Variants in SRP19 observed in about 807,000 individuals in gnomAD.
SRP19 encodes the protein signal recognition particle 19.
Under a neutral mutation model 22.4 loss-of-function variants are expected in SRP19, and 11 were observed. That is an observed-to-expected ratio of 0.49 (90% CI 0.31 to 0.81). The LOEUF is 0.81. SRP19 is among the 40% of genes least tolerant of loss of function. The pLI is 0.05. For missense variants in SRP19, 168 were observed against 175.9 expected (o/e 0.96, Z 0.25); for synonymous variants, 61 against 57.6 (o/e 1.06, Z -0.27).
chr5:112,864,834 C>T (rs1554091334), intron 4 of SRP19, 102 bp downstream of exon 4: 2 of 866,982 alleles, frequency 2.3e-6, no homozygotes, highest in Non-Finnish European at 3.6e-6. Context: ...AATTTGCATT[C>T]TGAAGATTAA....
intron 4 of SRP19, chr5:112,878,906 T>C: frequency 6.2e-7 from 1 of 1,610,354 alleles, no homozygotes; most frequent in African/African-American, 1.3e-5. Context: ...TTGCAAGCTT[T>C]GTGCCTAATG....
rs1767695556 is a variant in SRP19 at position 112,869,024 on chromosome 5, C to T, written c.*1487C>T. 6.6e-6 allele frequency: 1 copy of T among 152,086 alleles called. No individual in the cohort carries two copies. Among genetic ancestry groups the T allele is most frequent in the African/African-American group, 2.4e-5 (1 of 41,396 alleles). The allele number at this position is 152,086 out of a possible 1,614,324, so 9.4% of individuals were successfully genotyped here. On this transcript the variant is annotated 3_prime_UTR_variant, in exon 5 of 5. Transcript: ENST00000505459. ...TGTGTAAAACATAATTCAGAGCAGC[C>T]TTCTTTGAGAAAGTGGGTGTGTTTG... is the stretch of plus-strand genomic sequence containing the variant.
At chr5:112,861,508 A>G (rs1047425560) in intron 1 of SRP19, 91 bp downstream of exon 1, 7 of 1,406,848 alleles carry the variant, frequency 5.0e-6, no homozygotes, top group African/African-American at 4.3e-5. Context: ...CGCGGCCTCC[A>G]GAATGGCCTA....
At position 112,869,654 on chromosome 5, in the gene SRP19, G is replaced by A. The variant is rs1031107182; in HGVS notation, c.*2117G>A. 1 of 152,210 alleles carries A rather than the reference G, an allele frequency of 6.6e-6. No homozygotes were observed. The highest frequency in any genetic ancestry group is 1.5e-5 in the Non-Finnish European group (1 of 68,062). The allele number at this position is 152,210 out of a possible 1,614,324, so 9.4% of individuals were successfully genotyped here. ...CCCCAAATCCCTATGTGTTAAGGGT[G>A]GGACCAGGTGGAGATAATTGGATCA... On this transcript the variant is annotated 3_prime_UTR_variant, in exon 5 of 5. Transcript: ENST00000505459.
At chr5:112,880,463 G>A (rs965623021) in intron 4 of SRP19, among the ~76,000 whole-genome samples, 3 of 141,964 alleles carry the variant, frequency 2.1e-5, no homozygotes, top group African/African-American at 8.6e-5. Flanking sequence ...GAGAGCCAAG[G>A]AGTCCCTTCT....
At chr5:112,875,353 C>A (rs186243999) in intron 4 of SRP19, among the ~76,000 whole-genome samples, 1 of 144,800 alleles carries the variant, frequency 6.9e-6, no homozygotes, top group African/African-American at 2.5e-5. Context: ...TTCAGAAGTA[C>A]GTTTTGTTTT....
At chr5:112,867,350 CTT>C (rs1267999483) in intron 4 of SRP19, 52 bp from the exon 5 acceptor site, 1 of 1,570,296 alleles carries the variant, frequency 6.4e-7, no homozygotes, top group African/African-American at 1.4e-5. Flanking sequence ...AATTTGATGA[CTT>C]TTTATGTCTT....
In SRP19 at chr5:112,862,533, T is replaced by G. The variant is rs1468331437; in HGVS notation, c.67T>G (p.Leu23Val). The change falls in exon 2 of 5, where the codon TTA becomes GTA. Residue 23 changes from leucine to valine, a missense_variant. Coordinates refer to ENST00000505459, the MANE Select transcript of SRP19 (RefSeq NM_003135.3). ...GTTTATTTGTATCTATCCTGCTTAT[T>G]TAAATAATAAGAAGACCATCGCAGA... is the stretch of plus-strand genomic sequence containing the variant. ...DRFICIYPAYLNNKKTIAEGR... is the reference protein window; with the variant it reads ...DRFICIYPAYVNNKKTIAEGR... 1.2e-6 allele frequency: 2 copies of G among 1,613,996 alleles called. No homozygotes were observed. Among genetic ancestry groups the G allele is most frequent in the East Asian group, 4.5e-5 (2 of 44,902 alleles).
intron 4 of SRP19, among the ~76,000 whole-genome samples, chr5:112,881,373 C>T (rs1768070585): frequency 2.0e-5 from 3 of 152,164 alleles, no homozygotes; most frequent in African/African-American, 7.2e-5. Flanking sequence ...ACTCCCATGT[C>T]TAACTACCAC....
downstream of SRP19, chr5:112,893,268 G>A (rs1423655421): frequency 3.7e-6 from 1 of 273,480 alleles, no homozygotes; most frequent in South Asian, 4.2e-5. Flanking sequence ...AAATTAGCCA[G>A]GTGTGGTGGC....
chr5:112,868,102 C>T lies in SRP19; in HGVS notation c.*565C>T, dbSNP rs954862558. On this transcript the variant is annotated 3_prime_UTR_variant, in exon 5 of 5. Coordinates refer to ENST00000505459, the MANE Select transcript of SRP19 (RefSeq NM_003135.3). ...TTTTAATATATTATTGTAATCGAAT[C>T]GTTCAGTTGTTTTTTGACATGGAAA... The T allele has an allele frequency of 1.6e-5, 16 of 985,212 alleles. No homozygotes were observed. The highest frequency in any genetic ancestry group is 6.2e-5 in the Admixed American group (1 of 16,246). The allele number at this position is 985,212 out of a possible 1,614,324, so 61.0% of individuals were successfully genotyped here. A position where few individuals can be genotyped will look rare whatever the true frequency, so the allele number is the denominator to read the frequency against.
chr5:112,892,911 T>C (rs1237058721), exon 5 of SRP19: 2 of 1,607,580 alleles, frequency 1.2e-6, no homozygotes, highest in Non-Finnish European at 1.7e-6. Context: ...AGAGGCACAA[T>C]TCACCAAGCA....
intron 4 of SRP19, among the ~76,000 whole-genome samples, chr5:112,890,289 CAAAA>C (rs1768396400): frequency 6.8e-6 from 1 of 146,666 alleles, no homozygotes; most frequent in Non-Finnish European, 1.5e-5. Flanking sequence ...GACCCTGTCT[CAAAA>C]AGACAAAAAA....
chr5:112,888,593 T>TA (rs1768335609), intron 4 of SRP19, among the ~76,000 whole-genome samples: 1 of 127,322 alleles, frequency 7.9e-6, no homozygotes, highest in Non-Finnish European at 1.7e-5. Context: ...CTGGCTAATT[T>TA]TTTATAACTT....
intron 4 of SRP19, among the ~76,000 whole-genome samples, chr5:112,888,547 G>A (rs1768332301): frequency 6.6e-6 from 1 of 150,978 alleles, no homozygotes. Flanking sequence ...AGCCTCCCAA[G>A]TAGCTGGGAA....
At chr5:112,866,519 G>A (rs1473097784) in intron 4 of SRP19, among the ~76,000 whole-genome samples, 2 of 151,816 alleles carry the variant, frequency 1.3e-5, no homozygotes, top group African/African-American at 4.8e-5. Context: ...TTCTAGAGAT[G>A]GGGTTTTGCT....
At chr5:112,893,436 A>G (rs972998169), downstream of SRP19, 58 of 178,542 alleles carry the variant, frequency 3.2e-4, no homozygotes, top group African/African-American at 1.3e-3. Context: ...GGACTAGTGG[A>G]ACTACACAGC....
chr5:112,874,875 A>T (rs1297793092), intron 4 of SRP19, among the ~76,000 whole-genome samples: 1 of 151,554 alleles, frequency 6.6e-6, no homozygotes, highest in African/African-American at 2.4e-5. Context: ...TCCTGGGTTC[A>T]AGCCATTCTC....
chr5:112,891,502 A>T lies in SRP19; in HGVS notation c.302-101A>T. ...AAAATGAAAGTAATTTGTAATATAT[A>T]TAAGTATGCAAACAAAACAATACTA... On this transcript the variant is annotated intron_variant, in intron 4 of 4. Coordinates refer to the SRP19 transcript ENST00000391338. 2.5e-6 allele frequency: 3 copies of T among 1,183,280 alleles called. No individual in the cohort carries two copies. The East Asian group carries it at 8.1e-5, about 32-fold the overall frequency. The allele number at this position is 1,183,280 out of a possible 1,614,324, so 73.3% of individuals were successfully genotyped here.
Sources: allele counts gnomAD v4.1 joint callset (sites outside exome capture counted in the v4.1 genomes callset), GRCh38; gene constraint gnomAD v4.1.1; transcripts MANE v1.5; gene names NCBI Gene and HGNC (gene_info 2026-07-23, HGNC 2026-07-21).